The following JAK2 variants were observed in gnomAD, a reference collection of about 807,000 sequenced individuals.
The protein encoded by JAK2 is Janus kinase 2, also known as tyrosine-protein kinase JAK2.
A neutral mutation model predicts 139.3 loss-of-function variants in JAK2; 86 were observed. That is an observed-to-expected ratio of 0.62 (90% CI 0.52 to 0.74). The LOEUF (loss-of-function observed/expected upper bound fraction) is 0.74, where lower values mean the gene tolerates loss of function less well. Ranked by LOEUF, JAK2 falls within the 30% of genes least tolerant of loss-of-function variation. JAK2 has a pLI of 0.00. For missense variants in JAK2, 1,421 were observed against 1,360.3 expected, an observed-to-expected ratio of 1.04 and a Z score of -0.70; for synonymous variants, 490 against 437.7, an observed-to-expected ratio of 1.12 and a Z score of -1.49.
chr9:5,022,223 A>T lies in JAK2; in HGVS notation c.226+10A>T. 6.3e-7 allele frequency: 1 copy of T among 1,590,408 alleles called. No homozygotes were observed. On this transcript the variant is annotated intron_variant, in intron 3 of 24. Coordinates refer to ENST00000381652, the MANE Select transcript of JAK2 (RefSeq NM_004972.4). ...GCTTCTAAAGCTTGTGGTAAGTATT[A>T]AAAAACAGCATTTTCCTTTTTATGC...
chr9:5,021,694 A>C (rs542427421), intron 2 of JAK2, among the ~76,000 whole-genome samples: 8 of 152,086 alleles, frequency 5.3e-5, no homozygotes, highest in African/African-American at 1.7e-4. Flanking sequence ...TGGAGTGCGG[A>C]GGTTTGCTGC....
chr9:5,046,001 C>T (rs962012328), intron 5 of JAK2, among the ~76,000 whole-genome samples: 3 of 152,146 alleles, frequency 2.0e-5, no homozygotes, highest in African/African-American at 7.2e-5. Context: ...TTCAGTCCTA[C>T]CAGCAGTGCA....
chr9:5,062,040 C>G (rs1818213086), intron 8 of JAK2, among the ~76,000 whole-genome samples: 1 of 152,146 alleles, frequency 6.6e-6, no homozygotes, highest in Non-Finnish European at 1.5e-5. Context: ...AGTTCACCAT[C>G]TTATATAGGC....
chr9:5,100,656 G>C (rs1564004662), intron 22 of JAK2: 1 of 152,186 alleles, frequency 6.6e-6, no homozygotes, highest in Non-Finnish European at 1.5e-5. Context: ...ATTTGCATCA[G>C]GAGTTTCAGT....
chr9:5,086,025 G>A, intron 19 of JAK2: 2 of 787,918 alleles, frequency 2.5e-6, no homozygotes, highest in Admixed American at 1.7e-5. Context: ...ATATACATTT[G>A]GACAGGCAGG....
chr9:5,119,482 T>C (rs1823453886), intron 22 of JAK2, among the ~76,000 whole-genome samples: 1 of 152,094 alleles, frequency 6.6e-6, no homozygotes, highest in African/African-American at 2.4e-5. Context: ...TCTCTGCCTA[T>C]ACATGTGAAA....
At chr9:5,011,865 T>G (rs1821725592) in intron 2 of JAK2, among the ~76,000 whole-genome samples, 1 of 152,200 alleles carries the variant, frequency 6.6e-6, no homozygotes, top group Non-Finnish European at 1.5e-5. Context: ...TGCCATTACT[T>G]CTGGTAAGTG....
intron 22 of JAK2, chr9:5,098,299 C>T (rs1287933846): frequency 1.3e-5 from 2 of 152,140 alleles, no homozygotes; most frequent in Non-Finnish European, 2.9e-5. Flanking sequence ...CATTACGTAA[C>T]TTTGTCAAAG....
At chr9:5,113,445 A>AAAAC (rs1822833910) in intron 22 of JAK2, 1 of 127,680 alleles carries the variant, frequency 7.8e-6, no homozygotes, top group Non-Finnish European at 1.8e-5. Flanking sequence ...AAAAAAAAAA[A>AAAAC]AAAACCCGGA....
chr9:5,112,432 A>C (rs1586820204), intron 22 of JAK2: 2 of 508,506 alleles, frequency 3.9e-6, no homozygotes, highest in Non-Finnish European at 7.2e-6. Context: ...GCGGCTGACC[A>C]CTCAAGAGGA....
chr9:5,035,624 G>A (rs1392745230), intron 4 of JAK2, among the ~76,000 whole-genome samples: 4 of 152,110 alleles, frequency 2.6e-5, no homozygotes, highest in African/African-American at 7.2e-5. Flanking sequence ...CAGAACTAAC[G>A]GCAAAAACCA....
chr9:5,114,006 G>C, intron 22 of JAK2: 1 of 287,624 alleles, frequency 3.5e-6, no homozygotes. Context: ...GCAGGTCGTG[G>C]ATGTGAACTG....
At chr9:5,030,085 G>C (rs915966955) in intron 4 of JAK2, among the ~76,000 whole-genome samples, 179 bp downstream of exon 4, 1 of 152,150 alleles carries the variant, frequency 6.6e-6, no homozygotes, top group African/African-American at 2.4e-5. Context: ...GTTTATACAT[G>C]TTGTGTAAGT....
intron 16 of JAK2, among the ~76,000 whole-genome samples, chr9:5,079,855 T>C (rs904700741): frequency 6.6e-6 from 1 of 151,998 alleles, no homozygotes; most frequent in East Asian, 1.9e-4. Flanking sequence ...GTAAAACTAA[T>C]GGAAAGAGGT....
chr9:5,031,431 CATAAT>C (rs1229038943), intron 4 of JAK2, among the ~76,000 whole-genome samples: 1 of 152,064 alleles, frequency 6.6e-6, no homozygotes, highest in African/African-American at 2.4e-5. Context: ...CATATAGAAA[CATAAT>C]AATATGAAGA....
At chr9:5,068,355 A>G (rs1204943746) in intron 10 of JAK2, among the ~76,000 whole-genome samples, 2 of 152,226 alleles carry the variant, frequency 1.3e-5, no homozygotes, top group African/African-American at 4.8e-5. Flanking sequence ...AAACTGCAAA[A>G]TATTAAAAAT....
chr9:5,080,637 T>C lies in JAK2; in HGVS notation c.2388T>C (p.Pro796=). The C allele has an allele frequency of 6.2e-7, 1 of 1,604,762 alleles. No individual in the cohort carries two copies. Among genetic ancestry groups the C allele is most frequent in the Non-Finnish European group, 8.5e-7 (1 of 1,177,256 alleles). The change falls in exon 18 of 25, where the codon CCT becomes CCC. Residue 796 remains proline, a synonymous_variant. Coordinates refer to ENST00000381652, the MANE Select transcript of JAK2 (RefSeq NM_004972.4). ...NCMDYEPDFR[P]SFRAIIRDLN... is the part of the protein sequence containing the mutation. ...TGGATTATGAACCAGATTTCAGGCC[T>C]TCTTTCAGAGCCATCATACGAGATC...
At chr9:5,046,285 A>G (rs1448929739) in intron 5 of JAK2, among the ~76,000 whole-genome samples, 1 of 152,172 alleles carries the variant, frequency 6.6e-6, no homozygotes. Flanking sequence ...GTTATATTAT[A>G]GAAATTATTA....
chr9:5,096,486 C>G (rs1038700790), intron 22 of JAK2, among the ~76,000 whole-genome samples: 39 of 152,190 alleles, frequency 2.6e-4, no homozygotes, highest in African/African-American at 9.4e-4. Flanking sequence ...CAATCTACTT[C>G]TCCCTCCATG....
Sources: gnomAD v4.1 joint callset for allele counts (sites outside exome capture counted in the v4.1 genomes callset) on GRCh38, gnomAD v4.1.1 for gene constraint, MANE v1.5 for transcripts, NCBI Gene and HGNC (gene_info 2026-07-23, HGNC 2026-07-21) for gene names.